The following PBX3 variants were observed in gnomAD, a reference collection of about 807,000 sequenced individuals.
PBX3 encodes the protein PBX homeobox 3.
Under a neutral mutation model 48.5 loss-of-function variants are expected in PBX3, and 14 were observed. The observed-to-expected ratio is 0.29, with a 90% CI of 0.19 to 0.45. The LOEUF is 0.45. PBX3 is among the 20% of genes least tolerant of loss of function. The pLI, the probability that PBX3 is intolerant of heterozygous loss-of-function variation, is 1.00. For synonymous variants in PBX3, 210 were observed against 200.3 expected (o/e 1.05, Z -0.41); for missense variants, 386 against 546.7 (o/e 0.71, Z 2.93).
chr9:125,797,196 A>G (rs1209263129), intron 2 of PBX3, among the ~76,000 whole-genome samples: 3 of 152,306 alleles, frequency 2.0e-5, no homozygotes, highest in East Asian at 1.9e-4. Flanking sequence ...GAAATAATCC[A>G]TAACATAAAG....
At chr9:125,938,639 G>T (rs1454582492) in intron 5 of PBX3, among the ~76,000 whole-genome samples, 2 of 152,130 alleles carry the variant, frequency 1.3e-5, no homozygotes, top group African/African-American at 4.8e-5. Context: ...AATGAGGAAT[G>T]TTCTATTGAA....
At chr9:125,753,957 T>A (rs1469834759) in intron 2 of PBX3, among the ~76,000 whole-genome samples, 1 of 152,122 alleles carries the variant, frequency 6.6e-6, no homozygotes, top group East Asian at 1.9e-4. Context: ...TGATACTTTA[T>A]AGTGGCATGG....
At chr9:125,754,194 A>G (rs1836450115) in intron 2 of PBX3, among the ~76,000 whole-genome samples, 1 of 152,084 alleles carries the variant, frequency 6.6e-6, no homozygotes, top group Non-Finnish European at 1.5e-5. Flanking sequence ...TTAGTTCAAT[A>G]TTGACATTAT....
At chr9:125,814,958 A>G (rs1658291377) in intron 2 of PBX3, among the ~76,000 whole-genome samples, 1 of 152,214 alleles carries the variant, frequency 6.6e-6, no homozygotes, top group Non-Finnish European at 1.5e-5. Context: ...TTAGGGAATT[A>G]CAGCCTCTCA....
chr9:125,776,465 G>A (rs1029531530), intron 2 of PBX3, among the ~76,000 whole-genome samples: 3 of 152,058 alleles, frequency 2.0e-5, no homozygotes, highest in African/African-American at 7.2e-5. Flanking sequence ...GGATTTTTGT[G>A]TCTATACTTG....
At chr9:125,811,152 A>G (rs1459898006) in intron 2 of PBX3, among the ~76,000 whole-genome samples, 1 of 151,504 alleles carries the variant, frequency 6.6e-6, no homozygotes, top group Non-Finnish European at 1.5e-5. Flanking sequence ...AGGCCTGTCC[A>G]ATAGCTTCTC....
intron 2 of PBX3, among the ~76,000 whole-genome samples, chr9:125,791,920 C>T (rs1034677573): frequency 1.3e-5 from 2 of 151,956 alleles, no homozygotes; most frequent in Admixed American, 1.3e-4. Flanking sequence ...TAAGCCTCTC[C>T]AGCCGTGCTT....
intron 2 of PBX3, among the ~76,000 whole-genome samples, chr9:125,767,595 T>G (rs369434303): frequency 1.3e-5 from 2 of 152,332 alleles, no homozygotes; most frequent in Admixed American, 1.3e-4. Context: ...TCTAGAAAAG[T>G]GCACATACTC....
intron 2 of PBX3, among the ~76,000 whole-genome samples, chr9:125,856,255 G>C (rs1052908248): frequency 2.0e-5 from 3 of 152,018 alleles, no homozygotes; most frequent in African/African-American, 7.2e-5. Flanking sequence ...GCCTCTTTTT[G>C]AATCAATGTA....
intron 2 of PBX3, among the ~76,000 whole-genome samples, chr9:125,776,753 A>G (rs573334389): frequency 5.9e-5 from 9 of 152,068 alleles, no homozygotes; most frequent in South Asian, 2.1e-4. Flanking sequence ...CATGTTCCCC[A>G]GGCTGGTCTT....
chr9:125,928,040 G>A (rs562055429), intron 3 of PBX3, among the ~76,000 whole-genome samples: 17 of 151,684 alleles, frequency 1.1e-4, no homozygotes, highest in South Asian at 8.4e-4. Context: ...GAAATTAGCC[G>A]GGCGTGGCGG....
intron 5 of PBX3, among the ~76,000 whole-genome samples, chr9:125,938,894 A>G (rs1185225501): frequency 1.3e-5 from 2 of 152,204 alleles, no homozygotes; most frequent in Non-Finnish European, 2.9e-5. Flanking sequence ...TAGGAAATAT[A>G]CACTGACTGA....
chr9:125,756,060 A>T (rs1417468115), intron 2 of PBX3, among the ~76,000 whole-genome samples: 2 of 152,046 alleles, frequency 1.3e-5, no homozygotes, highest in African/African-American at 4.8e-5. Context: ...TTCACTAGGG[A>T]AGGAAGGAAG....
intron 8 of PBX3, among the ~76,000 whole-genome samples, chr9:125,964,834 T>C (rs1055452830): frequency 6.6e-6 from 1 of 152,198 alleles, no homozygotes; most frequent in Non-Finnish European, 1.5e-5. Context: ...TTGGATGGAC[T>C]TGCAGAGGAA....
chr9:125,756,429 A>AG (rs1836520875), intron 2 of PBX3, among the ~76,000 whole-genome samples: 1 of 152,196 alleles, frequency 6.6e-6, no homozygotes, highest in Non-Finnish European at 1.5e-5. Flanking sequence ...AAGAAGGTTA[A>AG]GGTTTACTCA....
At chr9:125,847,985 G>A (rs1251568080) in intron 2 of PBX3, among the ~76,000 whole-genome samples, 1 of 151,978 alleles carries the variant, frequency 6.6e-6, no homozygotes, top group Non-Finnish European at 1.5e-5. Context: ...AGTAAATATG[G>A]TGAATTGAGT....
chr9:125,859,962 C>A (rs1436100501), intron 2 of PBX3, among the ~76,000 whole-genome samples: 2 of 152,182 alleles, frequency 1.3e-5, no homozygotes, highest in African/African-American at 4.8e-5. Context: ...ACTGAAAAAA[C>A]ACTCACTCAA....
chr9:125,905,067 G>A (rs943895630), intron 2 of PBX3, among the ~76,000 whole-genome samples: 8 of 151,826 alleles, frequency 5.3e-5, no homozygotes, highest in African/African-American at 1.7e-4. Flanking sequence ...TTATCTTAAT[G>A]CATGCATATT....
At chr9:125,933,609 T>C (rs2132524274) in intron 4 of PBX3, among the ~76,000 whole-genome samples, 1 of 152,092 alleles carries the variant, frequency 6.6e-6, no homozygotes, top group East Asian at 1.9e-4. Context: ...ATAGTGGAAT[T>C]GAGTGGAGTG....
Sources: allele counts gnomAD v4.1 joint callset (sites outside exome capture counted in the v4.1 genomes callset), GRCh38; gene constraint gnomAD v4.1.1; transcripts MANE v1.5; gene names NCBI Gene and HGNC (gene_info 2026-07-23, HGNC 2026-07-21).